Variants in SATB2 observed in about 807,000 individuals in gnomAD.
SATB2 encodes the protein DNA-binding protein SATB2.
In SATB2, 1 loss-of-function variant was observed where a neutral mutation model predicts 73.4. That is an observed-to-expected ratio of 0.01 (90% CI 0.00 to 0.06). The LOEUF (loss-of-function observed/expected upper bound fraction) is 0.06. Ranked by LOEUF, SATB2 falls within the 10% of genes least tolerant of loss-of-function variation. The pLI is 1.00. For synonymous variants in SATB2, 397 were observed against 367.0 expected (o/e 1.08, Z -0.93); for missense variants, 459 against 945.8 (o/e 0.49, Z 6.75).
chr2:199,308,641 C>T lies in SATB2; in HGVS notation c.1740+119G>A. On this transcript the variant is annotated intron_variant, in intron 10 of 10. Transcript: ENST00000417098. The surrounding 1 kb of genome is among the most constrained non-coding windows in gnomAD (Gnocchi z 4.6). ...CGACAGCGTCTTCTGTACTTGGGGACCTGGCATGAGACACCCTCTGACAGA... is the reference window on the plus strand; with the variant it reads ...CGACAGCGTCTTCTGTACTTGGGGATCTGGCATGAGACACCCTCTGACAGA... The T allele has an allele frequency of 1.2e-6, 1 of 808,736 alleles. No homozygotes were observed. The highest frequency in any genetic ancestry group is 2.1e-6 in the Non-Finnish European group (1 of 479,064). The allele number at this position is 808,736 out of a possible 1,614,324, so 50.1% of individuals were successfully genotyped here. A position where few individuals can be genotyped will look rare whatever the true frequency, so the allele number is the denominator to read the frequency against.
chr2:199,430,904 T>A (rs1691482359), intron 3 of SATB2, among the ~76,000 whole-genome samples: 1 of 152,104 alleles, frequency 6.6e-6, no homozygotes, highest in Non-Finnish European at 1.5e-5. Context: ...AAATGAAAAA[T>A]CATATTTCAA....
rs1445400579 is a variant in SATB2 at position 199,463,403 on chromosome 2, C to T, written c.-141+1433G>A. ...GGGGCCCCGGGTGGCGCTCCCGACCCGCCGCGTTTTCCTTAGGGAAACACC... is the reference window on the plus strand; with the variant it reads ...GGGGCCCCGGGTGGCGCTCCCGACCTGCCGCGTTTTCCTTAGGGAAACACC... On this transcript the variant is annotated intron_variant, in intron 1 of 11. Transcript: ENST00000260926. The surrounding 1 kb of genome is among the most constrained non-coding windows in gnomAD (Gnocchi z 6.4). Among the ~76,000 whole-genome samples the T allele has an allele frequency of 6.6e-6, 1 of 152,194 alleles. No homozygotes were observed. Among genetic ancestry groups the T allele is most frequent in the African/African-American group, 2.4e-5 (1 of 41,452 alleles).
At chr2:199,305,709 C>T (rs1184182372) in intron 10 of SATB2, among the ~76,000 whole-genome samples, 1 of 152,034 alleles carries the variant, frequency 6.6e-6, no homozygotes, top group African/African-American at 2.4e-5. Context: ...TGCAAAGCTC[C>T]CTCTTTTTAT....
chr2:199,383,061 T>C (rs757380088), intron 3 of SATB2, among the ~76,000 whole-genome samples: 3 of 152,178 alleles, frequency 2.0e-5, no homozygotes, highest in Non-Finnish European at 4.4e-5. Flanking sequence ...CTTGACATAA[T>C]GCTTGAAAAC....
intron 2 of SATB2, among the ~76,000 whole-genome samples, chr2:199,435,877 T>G: frequency 6.6e-6 from 1 of 152,218 alleles, no homozygotes; most frequent in East Asian, 1.9e-4. Context: ...CATTTAGAGC[T>G]TTTAACTCTT....
chr2:199,420,254 T>C (rs1691125099), intron 3 of SATB2, among the ~76,000 whole-genome samples: 1 of 152,366 alleles, frequency 6.6e-6, no homozygotes, highest in South Asian at 2.1e-4. Context: ...TGATTTAAGA[T>C]GTGTAACACA....
At position 199,309,589 on chromosome 2, in the gene SATB2, C is replaced by A. The variant is rs116128383; in HGVS notation, c.1543-632G>T. Among the ~76,000 whole-genome samples, 1,036 of 152,324 alleles carry A rather than the reference C, an allele frequency of 6.8e-3. 13 individuals carry two copies. The highest frequency in any genetic ancestry group is 0.02 in the African/African-American group (841 of 41,566). On this transcript the variant is annotated intron_variant, in intron 9 of 10. Coordinates refer to ENST00000417098, the MANE Select transcript of SATB2 (RefSeq NM_001172509.2). ...AAGGTAGGCAGTTGGTCAGGTCACA[C>A]CTGCAAATGTCTGCTTCCAAAATCT...
At chr2:199,462,762 G>A (rs1692505458), upstream of SATB2, among the ~76,000 whole-genome samples, 1 of 152,140 alleles carries the variant, frequency 6.6e-6, no homozygotes, top group Non-Finnish European at 1.5e-5. This position sits in a 1 kb window ranked among gnomAD's most constrained non-coding sequence, Gnocchi z 5.9. Context: ...TGCGGCCCGA[G>A]CAGAGAGATA....
chr2:199,290,492 T>C (rs1363728712), intron 10 of SATB2, among the ~76,000 whole-genome samples: 1 of 152,176 alleles, frequency 6.6e-6, no homozygotes. Context: ...ACACATCTAA[T>C]AGTCCTAAGG....
rs954176894 is a variant in SATB2 at position 199,463,963 on chromosome 2, C to A, written c.-141+873G>T. On this transcript the variant is annotated intron_variant, in intron 1 of 11. Transcript: ENST00000260926. The surrounding 1 kb of genome is among the most constrained non-coding windows in gnomAD (Gnocchi z 6.4). The stretch of plus-strand genomic sequence containing the variant: ...ACGCTTTGAGGCTATGGGCCCACGC[C>A]GGTCTTGAACCAAGCGGAGAGGGCG... Among the ~76,000 whole-genome samples, 1 of 152,170 alleles carries A rather than the reference C, an allele frequency of 6.6e-6. No homozygotes were observed. Among genetic ancestry groups the A allele is most frequent in the African/African-American group, 2.4e-5 (1 of 41,454 alleles).
At chr2:199,304,791 A>C (rs1178335394) in intron 10 of SATB2, among the ~76,000 whole-genome samples, 3 of 152,174 alleles carry the variant, frequency 2.0e-5, no homozygotes, top group Non-Finnish European at 4.4e-5. Context: ...ACCTGGATAA[A>C]CCAGATAATT....
chr2:199,469,825 T>G (rs1298676900), upstream of SATB2: 3 of 152,402 alleles, frequency 2.0e-5, no homozygotes, highest in Non-Finnish European at 4.4e-5. Flanking sequence ...CTACTGACAC[T>G]GGGCTTAGTC....
chr2:199,288,897 T>C (rs759183858), intron 10 of SATB2, among the ~76,000 whole-genome samples: 12 of 152,208 alleles, frequency 7.9e-5, no homozygotes, highest in Non-Finnish European at 1.3e-4. Context: ...GCAGAGGCCA[T>C]TGATCTCTAG....
intron 3 of SATB2, among the ~76,000 whole-genome samples, chr2:199,423,216 A>G (rs1691224593): frequency 6.6e-6 from 1 of 152,132 alleles, no homozygotes; most frequent in East Asian, 1.9e-4. Context: ...CTTATTTTCC[A>G]TCTCCCCTAC....
At chr2:199,382,399 G>C (rs978323119) in intron 3 of SATB2, among the ~76,000 whole-genome samples, 5 of 152,160 alleles carry the variant, frequency 3.3e-5, no homozygotes, top group Non-Finnish European at 1.5e-5. Flanking sequence ...ATTGACCACA[G>C]ATCAGAAATA....
intron 10 of SATB2, among the ~76,000 whole-genome samples, chr2:199,300,934 G>T (rs1687271906): frequency 6.6e-6 from 1 of 151,814 alleles, no homozygotes; most frequent in Non-Finnish European, 1.5e-5. Context: ...TGTTATGGAG[G>T]TCCAGTCACT....
chr2:199,427,697 T>C (rs1691377859), intron 3 of SATB2, among the ~76,000 whole-genome samples: 1 of 152,142 alleles, frequency 6.6e-6, no homozygotes, highest in Admixed American at 6.5e-5. Context: ...TTCATGAATA[T>C]TTAATACACA....
intron 7 of SATB2, among the ~76,000 whole-genome samples, chr2:199,342,736 G>T (rs1468245253): frequency 6.6e-6 from 1 of 152,130 alleles, no homozygotes; most frequent in Non-Finnish European, 1.5e-5. Context: ...TTGGCAAAAG[G>T]CTGTCTATCT....
At position 199,399,527 on chromosome 2, in the gene SATB2, C is replaced by T. The variant is rs1031440713; in HGVS notation, c.347-17707G>A. On this transcript the variant is annotated intron_variant, in intron 3 of 10. Transcript: ENST00000417098. ...CAATATATGTATTAGTCTGTCCTCA[C>T]ATTGCTACAAAGAAATACCTGAGAC... is the stretch of plus-strand genomic sequence containing the variant. Among the ~76,000 whole-genome samples, 4 of 152,134 alleles carry T rather than the reference C, an allele frequency of 2.6e-5. No homozygotes were observed. The South Asian group carries it at 8.3e-4, about 32-fold the overall frequency.
Sources: gnomAD v4.1 joint callset for allele counts (sites outside exome capture counted in the v4.1 genomes callset) on GRCh38, gnomAD v4.1.1 for gene constraint, Gnocchi (gnomAD v3.1) non-coding constraint, MANE v1.5 for transcripts, NCBI Gene and HGNC (gene_info 2026-07-23, HGNC 2026-07-21) for gene names.